Variants in COG1 observed in about 807,000 individuals in gnomAD.
COG1 encodes component of oligomeric golgi complex 1.
A neutral mutation model predicts 102.2 loss-of-function variants in COG1; 61 were observed. That is an observed-to-expected ratio of 0.60 (90% CI 0.49 to 0.74). The LOEUF (loss-of-function observed/expected upper bound fraction) is 0.74, where lower values mean the gene tolerates loss of function less well. Among genes scored for constraint, COG1 ranks in the 30% least tolerant of loss-of-function variants. The pLI, the probability that COG1 is intolerant of heterozygous loss-of-function variation, is 0.00. For synonymous variants in COG1, 454 were observed against 493.6 expected, an observed-to-expected ratio of 0.92 and a Z score of 1.06; for missense variants, 1,164 against 1,232.1, an observed-to-expected ratio of 0.94 and a Z score of 0.83.
chr17:73,207,822 T>G lies in COG1; in HGVS notation c.2806-492T>G, dbSNP rs993301904. 2.3e-6 allele frequency: 3 copies of G among 1,281,672 alleles called. No homozygotes were observed. In the African/African-American group the frequency reaches 4.6e-5, roughly 20 times the overall value. The allele number at this position is 1,281,672 out of a possible 1,614,324, so 79.4% of individuals were successfully genotyped here. ...TTACAGCATCGAGTTGTTTGCTTTA[T>G]TGTTAGACACAATATTAGCAGTGTA... On this transcript the variant is annotated intron_variant, in intron 13 of 13. Transcript: ENST00000299886.
At position 73,201,298 on chromosome 17, in the gene COG1, A is replaced by G; in HGVS notation, c.1471A>G (p.Ser491Gly). The change falls in exon 7 of 14, where the codon AGC becomes GGC. Residue 491 changes from serine to glycine, a missense_variant. Transcript: ENST00000299886. ...CCTGCCTTCCGATGCGGCCTGGGTCAGCGTGGCAAACCGGGGTCAGTTTGC... is the reference window on the plus strand; with the variant it reads ...CCTGCCTTCCGATGCGGCCTGGGTCGGCGTGGCAAACCGGGGTCAGTTTGC... ...NDLPSDAAWV[S>G]VANRGQFASS... is the part of the protein sequence containing the mutation. 6.2e-7 allele frequency: 1 copy of G among 1,614,208 alleles called. No individual in the cohort carries two copies. Among genetic ancestry groups the G allele is most frequent in the Non-Finnish European group, 8.5e-7 (1 of 1,180,040 alleles).
At chr17:73,204,535 A>G (rs2061360164) in intron 9 of COG1, among the ~76,000 whole-genome samples, 1 of 150,980 alleles carries the variant, frequency 6.6e-6, no homozygotes, top group South Asian at 2.1e-4. Flanking sequence ...CTTGGTGTAT[A>G]ATCCCATTTC....
chr17:73,194,653 G>A (rs1200972433), intron 1 of COG1, among the ~76,000 whole-genome samples: 3 of 151,784 alleles, frequency 2.0e-5, no homozygotes, highest in African/African-American at 7.3e-5. Flanking sequence ...CAGTAGAGAC[G>A]GGGTTTCACC....
chr17:73,202,165 G>A (rs1164794233), intron 7 of COG1, among the ~76,000 whole-genome samples: 4 of 151,708 alleles, frequency 2.6e-5, no homozygotes, highest in African/African-American at 9.7e-5. Flanking sequence ...GTGAAACCCC[G>A]TCTCTACTAA....
intron 10 of COG1, 71 bp downstream of exon 10, chr17:73,205,751 C>A: frequency 6.3e-7 from 1 of 1,587,300 alleles, no homozygotes; most frequent in Non-Finnish European, 8.6e-7. Context: ...TGCTGGGAAG[C>A]CACCAGAGTC....
intron 9 of COG1, 139 bp downstream of exon 9, chr17:73,203,932 A>G (rs2061357605): frequency 1.1e-6 from 1 of 947,698 alleles, no homozygotes. Context: ...TCCTGTAAAA[A>G]TGCTCTATCT....
chr17:73,193,620 C>A (rs1157840730), intron 1 of COG1, among the ~76,000 whole-genome samples: 2 of 152,230 alleles, frequency 1.3e-5, no homozygotes, highest in African/African-American at 2.4e-5. Flanking sequence ...TTTCTTCAGG[C>A]GCTTTCCCCC....
At chr17:73,193,460 C>A (rs2061311021) in intron 1 of COG1, 76 bp downstream of exon 1, 4 of 1,360,582 alleles carry the variant, frequency 2.9e-6, no homozygotes, top group Non-Finnish European at 3.8e-6. Flanking sequence ...AACCCCGCCC[C>A]CCTCTGTCAG....
At chr17:73,194,210 A>G (rs978905850) in intron 1 of COG1, among the ~76,000 whole-genome samples, 1 of 144,892 alleles carries the variant, frequency 6.9e-6, no homozygotes, top group Non-Finnish European at 1.5e-5. Flanking sequence ...TGGGAGGCCG[A>G]GGCGGGTGGA....
chr17:73,206,579 T>C lies in COG1; in HGVS notation c.2620-129T>C, dbSNP rs7209284. The C allele has an allele frequency of 0.99, 736,762 of 740,678 alleles. 366,533 individuals carry two copies. The highest frequency in any genetic ancestry group is 1 in the East Asian group (37,358 of 37,358). 45.9% of individuals were successfully genotyped at this position (740,678 alleles called of 1,614,324 possible). A position where few individuals can be genotyped will look rare whatever the true frequency, so the allele number is the denominator to read the frequency against. On this transcript the variant is annotated intron_variant, in intron 11 of 13. Transcript: ENST00000299886. The stretch of plus-strand genomic sequence containing the variant: ...ATAAAAAGTAATCGTGAAGCATAAA[T>C]GCACTCAGAACATTCCCCAAAATGA...
intron 13 of COG1, chr17:73,208,074 G>A: frequency 2.1e-6 from 3 of 1,412,020 alleles, no homozygotes; most frequent in African/African-American, 1.4e-5. Context: ...AGAAGTGCCT[G>A]TGTCTACCCT....
chr17:73,201,022 T>C, intron 6 of COG1, 87 bp from the exon 7 acceptor site: 1 of 1,267,584 alleles, frequency 7.9e-7, no homozygotes, highest in South Asian at 1.2e-5. Flanking sequence ...ACCTTCTGAA[T>C]GCTAGGATAA....
intron 7 of COG1, 69 bp from the exon 8 acceptor site, chr17:73,202,931 C>T: frequency 6.5e-7 from 1 of 1,545,466 alleles, no homozygotes; most frequent in Non-Finnish European, 8.9e-7. Flanking sequence ...CAGGATTACA[C>T]AGATTGTTTT....
rs765990071 is a variant in COG1, at chr17:73,200,672, G to A, written c.1177G>A (p.Glu393Lys). Residue 393 changes from glutamate (E) to lysine (K), a missense_variant, in exon 6 of 14, where the codon GAG becomes AAG. Coordinates refer to ENST00000299886, the MANE Select transcript of COG1 (RefSeq NM_018714.3). ...CGCCATGTGGGAGTTACTTACCAAT[G>A]AGTCCACCAATCACAGCTGGGATGT... The part of the protein sequence containing the change: ...RDAMWELLTN[E>K]STNHSWDVLC... The A allele has an allele frequency of 6.2e-7, 1 of 1,614,044 alleles. No individual in the cohort carries two copies. Among genetic ancestry groups the A allele is most frequent in the East Asian group, 2.2e-5 (1 of 44,890 alleles).
chr17:73,206,229 C>T lies in COG1; in HGVS notation c.2586C>T (p.Asn862=), dbSNP rs996260231. ...FDLDVFTPHL[N]SNLHRLVQRT... ...TGGACGTTTTCACGCCACACCTCAA[C>T]AGCAACCTTCATCGCCTGGTGCAGC... The change falls in exon 11 of 14, where the codon AAC becomes AAT. Residue 862 remains asparagine, a synonymous_variant. Coordinates refer to ENST00000299886, the MANE Select transcript of COG1 (RefSeq NM_018714.3). The T allele has an allele frequency of 5.6e-6, 9 of 1,614,152 alleles. No homozygotes were observed. The African/African-American group carries it at 6.7e-5, about 12-fold the overall frequency.
rs756327477 is a variant in COG1 at position 73,201,267 on chromosome 17, T to C, written c.1440T>C (p.Pro480=). The change falls in exon 7 of 14, where the codon CCT becomes CCC. Residue 480 remains proline (P), a synonymous_variant. Transcript: ENST00000299886. ...CGCTCTTCCTCTGGTCTGAGAGTCC[T>C]AATGACCTGCCTTCCGATGCGGCCT... ...NMSLFLWSES[P]NDLPSDAAWV... The C allele has an allele frequency of 3.1e-6, 5 of 1,614,248 alleles. No homozygotes were observed. In the South Asian group the frequency reaches 4.4e-5, roughly 14 times the overall value.
In COG1 at chr17:73,208,301, C is replaced by T. The variant is rs141573449; in HGVS notation, c.2806-13C>T. 4.5e-3 allele frequency: 7,194 copies of T among 1,613,064 alleles called. 31 individuals carry two copies. The highest frequency in any genetic ancestry group is 0.013 in the Admixed American group (776 of 60,034). On this transcript the variant is annotated splice_polypyrimidine_tract_variant and intron_variant, in intron 13 of 13. Transcript: ENST00000299886. Reference sequence around the variant, plus strand: ...GCCAACTCTAAGGCACTTTTCTCTACATCCAATGGCAGGTTGTCCCCCCGG... The same window carrying T: ...GCCAACTCTAAGGCACTTTTCTCTATATCCAATGGCAGGTTGTCCCCCCGG...
In COG1 at chr17:73,201,194, C is replaced by A; in HGVS notation, c.1367C>A (p.Thr456Asn). ...VSALQELESS[T>N]SNSPSNKHIH... is the part of the protein sequence containing the mutation. ...GCTTTGCAGGAACTTGAAAGCAGCA[C>A]CAGCAACTCCCCTTCAAATAAGCAC... Residue 456 changes from threonine to asparagine, a missense_variant, in exon 7 of 14, where the codon ACC becomes AAC. Thr to Asn is a moderately conservative substitution (Grantham distance 65, BLOSUM62 0). Coordinates refer to ENST00000299886, the MANE Select transcript of COG1 (RefSeq NM_018714.3). 6.2e-7 allele frequency: 1 copy of A among 1,614,156 alleles called. No individual in the cohort carries two copies. Among genetic ancestry groups the A allele is most frequent in the Non-Finnish European group, 8.5e-7 (1 of 1,180,010 alleles).
In COG1 at chr17:73,203,050, A is replaced by C; in HGVS notation, c.2124A>C (p.Ser708=). Residue 708 remains serine, a synonymous_variant, in exon 8 of 14, where the codon TCA becomes TCC. Transcript: ENST00000299886. The part of the protein sequence containing the change: ...TQSLLLDDAG[S]VLATATSWDE... Reference sequence around the variant, plus strand: ...CATTACTTCTAGATGATGCTGGCTCAGTTCTGGCCACAGCCACCAGCTGGG... The same window carrying C: ...CATTACTTCTAGATGATGCTGGCTCCGTTCTGGCCACAGCCACCAGCTGGG... The C allele has an allele frequency of 6.2e-7, 1 of 1,614,208 alleles. No homozygotes were observed. Among genetic ancestry groups the C allele is most frequent in the Non-Finnish European group, 8.5e-7 (1 of 1,180,038 alleles).
Sources: allele counts gnomAD v4.1 joint callset (sites outside exome capture counted in the v4.1 genomes callset), GRCh38; gene constraint gnomAD v4.1.1; transcripts MANE v1.5; gene names NCBI Gene and HGNC (gene_info 2026-07-23, HGNC 2026-07-21).